Variants in MTMR9 observed in about 807,000 individuals in gnomAD.
MTMR9 encodes myotubularin-related protein 9.
A neutral mutation model predicts 69.5 loss-of-function variants in MTMR9; 39 were observed. The ratio of observed to expected loss-of-function variants is 0.56; its 90% CI spans 0.43 to 0.73. MTMR9 has a LOEUF of 0.73. Among genes scored for constraint, MTMR9 ranks in the 30% least tolerant of loss-of-function variants. The pLI is 0.00. For missense variants in MTMR9, 900 were observed against 671.2 expected (o/e 1.34, Z -3.77); for synonymous variants, 354 against 240.8 (o/e 1.47, Z -4.35).
Position 11,295,304 on chromosome 8 carries a change from T to C in MTMR9, c.291+2T>C, listed in dbSNP as rs1264339823. 6.5e-7 allele frequency: 1 copy of C among 1,546,960 alleles called. No individual in the cohort carries two copies. The highest frequency in any genetic ancestry group is 2.3e-5 in the East Asian group (1 of 44,316). Reference sequence around the variant, plus strand: ...TTGAATATAGCCAGTTCCATTGAGGTAAGTATTTTGGAAGCAAAATCTAAT... The same window carrying C: ...TTGAATATAGCCAGTTCCATTGAGGCAAGTATTTTGGAAGCAAAATCTAAT... On this transcript the variant is annotated splice_donor_variant, in intron 2 of 9. Transcript: ENST00000221086. LOFTEE classifies it high-confidence loss of function.
rs61753804 is a variant in MTMR9 at position 11,295,296 on chromosome 8, C to T, written c.285C>T (p.Ser95=). 3.4e-3 allele frequency: 5,384 copies of T among 1,570,730 alleles called. 15 individuals are homozygous for T. Among genetic ancestry groups the T allele is most frequent in the Non-Finnish European group, 4.1e-3 (4,681 of 1,143,346 alleles). Residue 95 remains serine (S), a synonymous_variant, in exon 2 of 10, where the codon TCC becomes TCT. Coordinates refer to ENST00000221086, the MANE Select transcript of MTMR9 (RefSeq NM_015458.4). The stretch of plus-strand genomic sequence containing the variant: ...AGGAATGCTTGAATATAGCCAGTTC[C>T]ATTGAGGTAAGTATTTTGGAAGCAA... The part of the protein sequence containing the change: ...GMEECLNIAS[S]IEALSTLDSI...
intron 4 of MTMR9, 123 bp from the exon 5 acceptor site, chr8:11,306,067 A>G: frequency 1.3e-6 from 1 of 745,614 alleles, no homozygotes; most frequent in Non-Finnish European, 2.2e-6. Context: ...TTTATGGATC[A>G]AATCCATCTG....
the MTMR9 span, among the ~76,000 whole-genome samples, chr8:11,339,003 T>G: frequency 2.1e-4 from 32 of 152,106 alleles, 1 homozygote; most frequent in African/African-American, 6.8e-4. Flanking sequence ...GCTTTTAGAG[T>G]AGGGTCATAT....
intron 7 of MTMR9, chr8:11,316,298 A>ATTC (rs111428858): frequency 0.14 from 22,979 of 159,584 alleles, 3,071 homozygotes; most frequent in African/African-American, 0.33. Context: ...AGAGGTGATG[A>ATTC]TTCTTCTTTG....
intron 4 of MTMR9, 75 bp from the exon 5 acceptor site, chr8:11,306,115 C>T: frequency 7.9e-7 from 1 of 1,269,882 alleles, no homozygotes; most frequent in Non-Finnish European, 1.1e-6. Context: ...TACTCTTAAT[C>T]TAGCTAATTT....
chr8:11,288,492 G>A (rs937582975), intron 1 of MTMR9, among the ~76,000 whole-genome samples: 4 of 151,644 alleles, frequency 2.6e-5, no homozygotes, highest in African/African-American at 9.7e-5. Flanking sequence ...CTACAGACCG[G>A]AATGAAATGA....
intron 1 of MTMR9, among the ~76,000 whole-genome samples, chr8:11,288,132 A>ATATTAAATAAT: frequency 7.5e-6 from 1 of 132,922 alleles, no homozygotes; most frequent in African/African-American, 2.8e-5. Context: ...ATTCACCTAA[A>ATATTAAATAAT]TATTCACCTA....
At chr8:11,331,086 G>A (rs762240939), downstream of MTMR9, 2 of 1,575,968 alleles carry the variant, frequency 1.3e-6, no homozygotes, top group Non-Finnish European at 1.7e-6. Flanking sequence ...GCCAGGAGGA[G>A]AGGAGAAAGT....
chr8:11,306,090 C>A, intron 4 of MTMR9, 100 bp from the exon 5 acceptor site: 1 of 953,216 alleles, frequency 1.0e-6, no homozygotes, highest in Non-Finnish European at 1.6e-6. Flanking sequence ...GAGTGTCACA[C>A]AATTGTTTTT....
intron 7 of MTMR9, among the ~76,000 whole-genome samples, chr8:11,315,494 A>G (rs1334475995): frequency 1.3e-5 from 2 of 152,210 alleles, no homozygotes; most frequent in African/African-American, 4.8e-5. Context: ...AAACTGAATC[A>G]TGTAATGTTG....
chr8:11,314,653 TTTG>T (rs1800337906), intron 6 of MTMR9, among the ~76,000 whole-genome samples: 2 of 152,330 alleles, frequency 1.3e-5, no homozygotes, highest in South Asian at 4.1e-4. Flanking sequence ...TTCTGTGAAA[TTTG>T]TTATAACTTA....
intron 3 of MTMR9, among the ~76,000 whole-genome samples, chr8:11,303,962 A>T (rs1271290945): frequency 6.6e-6 from 1 of 152,226 alleles, no homozygotes; most frequent in African/African-American, 2.4e-5. Flanking sequence ...AGTACGTCTA[A>T]CATACTTTTT....
downstream of MTMR9, chr8:11,330,882 C>G: frequency 1.1e-6 from 1 of 930,826 alleles, no homozygotes; most frequent in Non-Finnish European, 1.5e-6. Context: ...TGCCAAATCC[C>G]CCTCTGCGAG....
At chr8:11,290,372 A>G (rs902741229) in intron 1 of MTMR9, among the ~76,000 whole-genome samples, 1 of 151,700 alleles carries the variant, frequency 6.6e-6, no homozygotes, top group Non-Finnish European at 1.5e-5. Flanking sequence ...TTCATTCTCC[A>G]TTTAGGCATT....
At chr8:11,298,728 C>CCG in intron 2 of MTMR9, 1 of 924,768 alleles carries the variant, frequency 1.1e-6, no homozygotes, top group African/African-American at 1.8e-5. Context: ...GCACCCCCCC[C>CCG]CCGCCATCCA....
intron 6 of MTMR9, among the ~76,000 whole-genome samples, chr8:11,312,473 A>C (rs376674767): frequency 6.6e-6 from 1 of 152,150 alleles, no homozygotes; most frequent in African/African-American, 2.4e-5. Context: ...TGGGCTCCAT[A>C]GATGCTGGGG....
chr8:11,295,392 C>T (rs1263863067), intron 2 of MTMR9, 90 bp downstream of exon 2: 1 of 813,494 alleles, frequency 1.2e-6, no homozygotes, highest in Non-Finnish European at 2.1e-6. Flanking sequence ...ATAATTTAGT[C>T]ATGTTCTCTG....
At chr8:11,311,870 G>A (rs1800213243) in intron 6 of MTMR9, among the ~76,000 whole-genome samples, 1 of 144,318 alleles carries the variant, frequency 6.9e-6, no homozygotes, top group African/African-American at 2.6e-5. Flanking sequence ...AGTTGATGTG[G>A]TATTCTAAAT....
chr8:11,333,028 G>T (rs1801293152), downstream of MTMR9, among the ~76,000 whole-genome samples: 2 of 152,152 alleles, frequency 1.3e-5, no homozygotes, highest in African/African-American at 4.8e-5. Flanking sequence ...AGACTTGTAG[G>T]ATACCATCAA....
Sources: gnomAD v4.1 joint callset for allele counts (sites outside exome capture counted in the v4.1 genomes callset) on GRCh38, gnomAD v4.1.1 for gene constraint, MANE v1.5 for transcripts, NCBI Gene and HGNC (gene_info 2026-07-23, HGNC 2026-07-21) for gene names.